AZIN2: variants seen among roughly 807,000 people sequenced by gnomAD.
The protein encoded by AZIN2 is ODC antizyme inhibitor-2.
AZIN2 carries 28 observed loss-of-function variants against 47.8 expected under a neutral mutation model. That is an observed-to-expected ratio of 0.59 (90% CI 0.43 to 0.80). The LOEUF (loss-of-function observed/expected upper bound fraction) is 0.80, where lower values mean the gene tolerates loss of function less well. Ranked by LOEUF, AZIN2 falls within the 30% of genes least tolerant of loss-of-function variation. The pLI is 0.00. For synonymous variants in AZIN2, 221 were observed against 239.4 expected (o/e 0.92, Z 0.71); for missense variants, 535 against 582.5 (o/e 0.92, Z 0.84).
At chr1:33,134,264 G>A in the AZIN2 span, among the ~76,000 whole-genome samples, 1 of 152,246 alleles carries the variant, frequency 6.6e-6, no homozygotes, top group East Asian at 1.9e-4. Context: ...AACCCAGCAA[G>A]GGTAGGTATT....
intron 11 of AZIN2, chr1:33,118,343 C>G (rs1570227595): frequency 4.3e-6 from 2 of 463,356 alleles, no homozygotes; most frequent in East Asian, 7.2e-5. Flanking sequence ...GCAGACAGGC[C>G]CTTGTGATAA....
chr1:33,127,286 A>G (rs664182), downstream of AZIN2, among the ~76,000 whole-genome samples: 48,795 of 152,180 alleles, frequency 0.32, 8,249 homozygotes, highest in African/African-American at 0.42. Context: ...CATCCCTTGA[A>G]GCCACGGTCT....
intron 5 of AZIN2, among the ~76,000 whole-genome samples, chr1:33,090,470 A>G (rs1642408930): frequency 6.6e-6 from 1 of 152,220 alleles, no homozygotes; most frequent in Non-Finnish European, 1.5e-5. Context: ...CTGCACACCC[A>G]GTGCAGGGCC....
At chr1:33,153,431 C>G in the AZIN2 span, among the ~76,000 whole-genome samples, 1 of 152,362 alleles carries the variant, frequency 6.6e-6, no homozygotes, top group East Asian at 1.9e-4. Flanking sequence ...CCAGGGACAT[C>G]TGGCAAAGTC....
At chr1:33,140,636 T>C in the AZIN2 span, among the ~76,000 whole-genome samples, 2 of 152,222 alleles carry the variant, frequency 1.3e-5, no homozygotes, top group African/African-American at 4.8e-5. This position sits in a 1 kb window ranked among gnomAD's most constrained non-coding sequence, Gnocchi z 4.0. Flanking sequence ...TCAGTCCCAA[T>C]GCTTTCACTT....
rs1028928325 is a variant in AZIN2, at chr1:33,087,572, G to A, written c.279+3445G>A. ...CTGCCTCAGCCTCCTGAGCAGCTGG[G>A]ATTACAGGTGCCTACCACCATGCCC... On this transcript the variant is annotated intron_variant, in intron 5 of 11. Coordinates refer to ENST00000294517, the MANE Select transcript of AZIN2 (RefSeq NM_052998.4). Among the ~76,000 whole-genome samples the A allele has an allele frequency of 5.6e-4, 85 of 151,902 alleles. 1 individual carries two copies. The highest frequency in any genetic ancestry group is 1.3e-4 in the Non-Finnish European group (9 of 67,996).
In AZIN2 at chr1:33,098,158, C is replaced by A; in HGVS notation, c.1008C>A (p.Cys336Ter). 1 of 1,612,438 alleles carries A rather than the reference C, an allele frequency of 6.2e-7. No homozygotes were observed. Among genetic ancestry groups the A allele is most frequent in the Non-Finnish European group, 8.5e-7 (1 of 1,179,348 alleles). ...IFNSVLFDNICPTPILQKKPS... is the reference protein window; with the variant it reads ...IFNSVLFDNI ...ACTCAGTCCTGTTTGACAACATCTG[C>A]CCTACCCCCATCCTGCAGAAGGTGA... Residue 336 changes from cysteine to a stop codon, truncating the protein, a stop_gained, in exon 10 of 12, where the codon TGC (cysteine) becomes TGA (stop). Coordinates refer to ENST00000294517, the MANE Select transcript of AZIN2 (RefSeq NM_052998.4). LOFTEE classifies it high-confidence loss of function.
intron 10 of AZIN2, among the ~76,000 whole-genome samples, chr1:33,110,399 G>T (rs759468535): frequency 6.6e-6 from 1 of 152,134 alleles, no homozygotes; most frequent in Non-Finnish European, 1.5e-5. Flanking sequence ...AGGAAGAACC[G>T]CAAAAGCAAT....
At chr1:33,097,997 G>C in intron 9 of AZIN2, 70 bp from the exon 10 acceptor site, 1 of 1,152,902 alleles carries the variant, frequency 8.7e-7, no homozygotes, top group Non-Finnish European at 1.3e-6. Flanking sequence ...TGAGCCCACT[G>C]TTGTGTCAGC....
rs1644762392 is a variant in AZIN2, at chr1:33,120,258, C to A, written c.*76C>A. The A allele has an allele frequency of 3.9e-6, 6 of 1,533,054 alleles. No homozygotes were observed. Among genetic ancestry groups the A allele is most frequent in the South Asian group, 3.7e-5 (3 of 80,086 alleles). 95.0% of individuals were successfully genotyped at this position (1,533,054 alleles called of 1,614,324 possible). ...TGGGAGAGGTGGGGAAGATGGCAGG[C>A]AAGGGTACCCTTGGCCAGGACTCTG... On this transcript the variant is annotated 3_prime_UTR_variant, in exon 12 of 12. Transcript: ENST00000294517.
At chr1:33,117,827 A>C in intron 10 of AZIN2, 75 bp from the exon 11 acceptor site, 1 of 1,518,710 alleles carries the variant, frequency 6.6e-7, no homozygotes, top group Middle Eastern at 1.7e-4. Flanking sequence ...GAGCCATAGA[A>C]GGCTTTTGAG....
chr1:33,134,977 C>T, the AZIN2 span, among the ~76,000 whole-genome samples: 1 of 152,192 alleles, frequency 6.6e-6, no homozygotes, highest in Non-Finnish European at 1.5e-5. Context: ...TATGACCACC[C>T]TCCTTCCCTG....
chr1:33,165,614 C>A, the AZIN2 span: 1 of 1,523,316 alleles, frequency 6.6e-7, no homozygotes, highest in African/African-American at 1.4e-5. This position sits in a 1 kb window ranked among gnomAD's most constrained non-coding sequence, Gnocchi z 4.0. Flanking sequence ...ATGCCTGGCC[C>A]AGGCATTCAG....
chr1:33,161,303 G>A, the AZIN2 span, among the ~76,000 whole-genome samples: 2 of 152,314 alleles, frequency 1.3e-5, no homozygotes, highest in South Asian at 2.1e-4. This position sits in a 1 kb window ranked among gnomAD's most constrained non-coding sequence, Gnocchi z 4.3. Context: ...AGAGGGAGCC[G>A]CATGAGGAAG....
At chr1:33,125,305 G>C (rs1390475117), downstream of AZIN2, among the ~76,000 whole-genome samples, 1 of 152,196 alleles carries the variant, frequency 6.6e-6, no homozygotes, top group Non-Finnish European at 1.5e-5. Flanking sequence ...AATTCAACCA[G>C]TAAAATGATC....
chr1:33,130,815 C>T, the AZIN2 span, among the ~76,000 whole-genome samples: 5 of 152,356 alleles, frequency 3.3e-5, no homozygotes, highest in East Asian at 1.9e-4. Flanking sequence ...TGTAGGCCAT[C>T]TCTCTAATAA....
the AZIN2 span, among the ~76,000 whole-genome samples, chr1:33,157,699 C>T: frequency 6.6e-6 from 1 of 151,846 alleles, no homozygotes; most frequent in Non-Finnish European, 1.5e-5. Flanking sequence ...GTGTCCAGGC[C>T]TCAGTCATTT....
chr1:33,104,713 T>G (rs1235837295), intron 10 of AZIN2, among the ~76,000 whole-genome samples: 1 of 152,226 alleles, frequency 6.6e-6, no homozygotes, highest in East Asian at 1.9e-4. Context: ...TGTTTTATTT[T>G]ATTTAACACA....
At chr1:33,136,114 C>T in the AZIN2 span, among the ~76,000 whole-genome samples, 1 of 15,416 alleles carries the variant, frequency 6.5e-5, no homozygotes, top group East Asian at 1.1e-3. Context: ...AGGGGCCAGC[C>T]CTTCCTTCCT....
Sources: gnomAD v4.1 joint callset for allele counts (sites outside exome capture counted in the v4.1 genomes callset) on GRCh38, gnomAD v4.1.1 for gene constraint, Gnocchi (gnomAD v3.1) non-coding constraint, MANE v1.5 for transcripts, NCBI Gene and HGNC (gene_info 2026-07-23, HGNC 2026-07-21) for gene names.